Variants in FBXL17 observed in about 807,000 individuals in gnomAD.
The protein encoded by FBXL17 is F-box and leucine rich repeat protein 17.
Under a neutral mutation model 66.2 loss-of-function variants are expected in FBXL17, and 22 were observed. The observed-to-expected ratio is 0.33, with a 90% CI of 0.24 to 0.47. The LOEUF (loss-of-function observed/expected upper bound fraction) is 0.47. Ranked by LOEUF, FBXL17 falls within the 20% of genes least tolerant of loss-of-function variation. The pLI is 1.00. For synonymous variants in FBXL17, 474 were observed against 400.5 expected, an observed-to-expected ratio of 1.18 and a Z score of -2.19; for missense variants, 878 against 948.2, an observed-to-expected ratio of 0.93 and a Z score of 0.97.
intron 4 of FBXL17, among the ~76,000 whole-genome samples, chr5:108,285,922 T>G (rs1757881949): frequency 6.6e-6 from 1 of 151,742 alleles, no homozygotes; most frequent in South Asian, 2.1e-4. Context: ...ATCCAGCAGC[T>G]TATCAAAAAG....
intron 8 of FBXL17, among the ~76,000 whole-genome samples, chr5:107,867,887 C>T (rs562646462): frequency 4.6e-5 from 7 of 152,148 alleles, no homozygotes; most frequent in African/African-American, 7.2e-5. Context: ...CTGCTAAACA[C>T]GTAGTATTAG....
intron 7 of FBXL17, among the ~76,000 whole-genome samples, chr5:108,019,581 A>G (rs916539963): frequency 6.6e-6 from 1 of 152,078 alleles, no homozygotes; most frequent in African/African-American, 2.4e-5. Flanking sequence ...TTTCAAATGA[A>G]CAAATCAAAG....
chr5:108,379,107 A>T (rs1056750961), intron 1 of FBXL17, among the ~76,000 whole-genome samples: 2 of 152,230 alleles, frequency 1.3e-5, no homozygotes, highest in Non-Finnish European at 2.9e-5. Flanking sequence ...GGTATAGGAT[A>T]AGTTTATTTT....
At chr5:108,025,053 G>GT (rs1241318885) in intron 6 of FBXL17, among the ~76,000 whole-genome samples, 2 of 152,098 alleles carry the variant, frequency 1.3e-5, no homozygotes, top group African/African-American at 4.8e-5. Flanking sequence ...AAATTTTTAT[G>GT]TTTTTTTGTC....
chr5:108,189,753 C>T (rs1044194230), intron 5 of FBXL17, among the ~76,000 whole-genome samples: 1 of 152,180 alleles, frequency 6.6e-6, no homozygotes, highest in Non-Finnish European at 1.5e-5. Context: ...TACAAAGGAT[C>T]TAGAGGTCTG....
chr5:108,138,471 C>T (rs1232320879), intron 6 of FBXL17, among the ~76,000 whole-genome samples: 1 of 152,054 alleles, frequency 6.6e-6, no homozygotes, highest in East Asian at 1.9e-4. Flanking sequence ...ATTCCAATGC[C>T]TAGTACAATT....
intron 6 of FBXL17, among the ~76,000 whole-genome samples, chr5:108,136,184 T>C (rs938295887): frequency 1.3e-5 from 2 of 152,138 alleles, no homozygotes; most frequent in Non-Finnish European, 2.9e-5. Context: ...GATTTGGAGA[T>C]GGGAAGACCT....
chr5:108,370,303 C>G (rs1317512087), intron 1 of FBXL17, among the ~76,000 whole-genome samples: 1 of 152,040 alleles, frequency 6.6e-6, no homozygotes, highest in Middle Eastern at 3.2e-3. Flanking sequence ...TAATTATTAC[C>G]TAAAATGACT....
In FBXL17 at chr5:107,980,865, C is replaced by T. The variant is rs1430762793; in HGVS notation, c.1822+40060G>A. Among the ~76,000 whole-genome samples the T allele has an allele frequency of 2.0e-4, 30 of 149,616 alleles. 1 individual carries two copies. Among genetic ancestry groups the T allele is most frequent in the Admixed American group, 1.9e-3 (28 of 14,960 alleles). On this transcript the variant is annotated intron_variant, in intron 7 of 8. Coordinates refer to ENST00000542267, the MANE Select transcript of FBXL17 (RefSeq NM_001163315.3). ...TAAAGACGGGGTTTCACCATGGTCT[C>T]GATCTCCTGACCTCGTGATCCGCCC...
chr5:108,172,691 G>A lies in FBXL17; in HGVS notation c.1745+13426C>T, dbSNP rs1199245814. Among the ~76,000 whole-genome samples the A allele has an allele frequency of 2.0e-5, 3 of 152,164 alleles. No individual in the cohort carries two copies. The East Asian group carries it at 5.8e-4, about 29-fold the overall frequency. Reference sequence around the variant, plus strand: ...CTGATACCATCATTTAAGTTGCTTGGTTGGGTGATTTTTCTGTGTTTTAAG... The same window carrying A: ...CTGATACCATCATTTAAGTTGCTTGATTGGGTGATTTTTCTGTGTTTTAAG... On this transcript the variant is annotated intron_variant, in intron 6 of 8. Transcript: ENST00000542267.
At chr5:108,170,141 TG>T (rs1163078446) in intron 6 of FBXL17, among the ~76,000 whole-genome samples, 2 of 152,048 alleles carry the variant, frequency 1.3e-5, no homozygotes, top group Non-Finnish European at 2.9e-5. Flanking sequence ...AATTTATTAA[TG>T]AAAAAAAATT....
At chr5:108,212,063 TTTCA>T (rs1277372889) in intron 5 of FBXL17, among the ~76,000 whole-genome samples, 5 of 152,222 alleles carry the variant, frequency 3.3e-5, no homozygotes, top group South Asian at 4.1e-4. Flanking sequence ...TCTCTCTTTC[TTTCA>T]TTAAGTTGAT....
At chr5:108,141,923 T>C (rs1262181616) in intron 6 of FBXL17, among the ~76,000 whole-genome samples, 4 of 152,212 alleles carry the variant, frequency 2.6e-5, no homozygotes, top group Non-Finnish European at 4.4e-5. Flanking sequence ...GTTGAGTTGA[T>C]TGACTTGCTC....
chr5:108,336,570 T>G (rs1051612747), intron 4 of FBXL17, among the ~76,000 whole-genome samples: 2 of 152,144 alleles, frequency 1.3e-5, no homozygotes, highest in African/African-American at 2.4e-5. Context: ...AATGAAAATA[T>G]ATAACAGGTA....
chr5:108,055,300 A>C (rs1458522733), intron 6 of FBXL17, among the ~76,000 whole-genome samples: 11 of 34,014 alleles, frequency 3.2e-4, no homozygotes, highest in Non-Finnish European at 5.0e-4. Flanking sequence ...AAAAAAAAAA[A>C]AAAAAAAAAA....
intron 7 of FBXL17, among the ~76,000 whole-genome samples, chr5:107,967,791 G>A (rs1157227928): frequency 1.3e-5 from 2 of 151,850 alleles, no homozygotes; most frequent in African/African-American, 2.4e-5. Flanking sequence ...AGCAAAAAGG[G>A]TAAAAAAAAT....
intron 7 of FBXL17, among the ~76,000 whole-genome samples, chr5:108,006,070 G>A (rs548280557): frequency 6.6e-6 from 1 of 152,300 alleles, no homozygotes; most frequent in African/African-American, 2.4e-5. Context: ...GGCCTATGGT[G>A]GCTAAATGTC....
chr5:108,324,732 G>GTA (rs998847647), intron 4 of FBXL17, among the ~76,000 whole-genome samples: 11 of 113,882 alleles, frequency 9.7e-5, no homozygotes, highest in African/African-American at 3.8e-4. Context: ...GTGTGTATAT[G>GTA]TATATATATG....
At chr5:108,143,812 G>C (rs1488841471) in intron 6 of FBXL17, among the ~76,000 whole-genome samples, 1 of 150,250 alleles carries the variant, frequency 6.7e-6, no homozygotes, top group East Asian at 2.0e-4. Context: ...CTGCAATTTG[G>C]CTCCATGTAA....
Sources: gnomAD v4.1 joint callset for allele counts (sites outside exome capture counted in the v4.1 genomes callset) on GRCh38, gnomAD v4.1.1 for gene constraint, MANE v1.5 for transcripts, NCBI Gene and HGNC (gene_info 2026-07-23, HGNC 2026-07-21) for gene names.